SBNO1: variants seen among roughly 807,000 people sequenced by gnomAD.
SBNO1 encodes the protein protein strawberry notch homolog 1.
Under a neutral mutation model 173.6 loss-of-function variants are expected in SBNO1, and 23 were observed. That is an observed-to-expected ratio of 0.13 (90% CI 0.10 to 0.19). The LOEUF (loss-of-function observed/expected upper bound fraction) is 0.19. SBNO1 is among the 10% of genes least tolerant of loss of function. The pLI is 1.00. For synonymous variants in SBNO1, 632 were observed against 571.5 expected (o/e 1.11, Z -1.51); for missense variants, 1,238 against 1,671.2 (o/e 0.74, Z 4.52).
chr12:123,321,103 C>T (rs1253466766), intron 17 of SBNO1, among the ~76,000 whole-genome samples: 2 of 152,100 alleles, frequency 1.3e-5, no homozygotes, highest in East Asian at 1.9e-4. Context: ...CCACACCTGG[C>T]TAATTTTGTA....
Position 123,294,868 on chromosome 12 carries a change from GTAACAACAA to G in SBNO1, c.*1031_*1039del, listed in dbSNP as rs149213593. On this transcript the variant is annotated 3_prime_UTR_variant, in exon 32 of 32. Coordinates refer to ENST00000602398, the MANE Select transcript of SBNO1 (RefSeq NM_001167856.3). ...CATTAAACAATATTCAAGTTACTGA[GTAACAACAA>G]TAACAACAATAACAAAAGAACACAC... 13,276 of 152,116 alleles carry G rather than the reference GTAACAACAA, an allele frequency of 0.087. 1,615 individuals are homozygous for G. The highest frequency in any genetic ancestry group is 0.28 in the African/African-American group (11,406 of 41,348). The allele number at this position is 152,116 out of a possible 1,614,324, so 9.4% of individuals were successfully genotyped here. A position where few individuals can be genotyped will look rare whatever the true frequency, so the allele number is the denominator to read the frequency against.
At chr12:123,342,345 G>C (rs948289088) in intron 4 of SBNO1, among the ~76,000 whole-genome samples, 1 of 152,064 alleles carries the variant, frequency 6.6e-6, no homozygotes, top group Non-Finnish European at 1.5e-5. Flanking sequence ...CAGCTACTAG[G>C]GAGGCTGAGG....
intron 1 of SBNO1, among the ~76,000 whole-genome samples, chr12:123,356,607 A>C (rs1255391484): frequency 6.6e-6 from 1 of 152,098 alleles, no homozygotes; most frequent in African/African-American, 2.4e-5. Flanking sequence ...ACACCCAGCT[A>C]ATTTTTTTGT....
At chr12:123,339,143 T>C (rs1872240578) in intron 5 of SBNO1, among the ~76,000 whole-genome samples, 1 of 152,188 alleles carries the variant, frequency 6.6e-6, no homozygotes, top group African/African-American at 2.4e-5. Flanking sequence ...GTACCGCCAG[T>C]AGCACTATTG....
At position 123,321,552 on chromosome 12, in the gene SBNO1, T is replaced by C; in HGVS notation, c.2306A>G (p.Asn769Ser). ...DDFNPFLDESNEDDENDPWLI... is the reference protein window; with the variant it reads ...DDFNPFLDESSEDDENDPWLI... ...GAACTTACCATTTTCATCATCCTCATTAGACTCATCTAAAAATGGGTTGAA... is the reference window on the plus strand; with the variant it reads ...GAACTTACCATTTTCATCATCCTCACTAGACTCATCTAAAAATGGGTTGAA... The change falls in exon 17 of 32, where the codon AAT becomes AGT. Residue 769 changes from asparagine (N) to serine (S), a missense_variant. Around this residue, in one of 14 missense-constraint regions of SBNO1, gnomAD observed 33 missense variants for 29.6 expected, o/e 1.11. Transcript: ENST00000602398. The C allele has an allele frequency of 6.2e-7, 1 of 1,611,804 alleles. No homozygotes were observed. The highest frequency in any genetic ancestry group is 1.1e-5 in the South Asian group (1 of 91,040).
rs568206817 is a variant in SBNO1, at chr12:123,332,889, C to T, written c.909+1164G>A. Reference sequence around the variant, plus strand: ...CCTGTAATCCCAGCACTTTGGGAGGCCGAGATGGGTGGATCATGAGGTCAG... The same window carrying T: ...CCTGTAATCCCAGCACTTTGGGAGGTCGAGATGGGTGGATCATGAGGTCAG... On this transcript the variant is annotated intron_variant, in intron 7 of 31. Coordinates refer to ENST00000602398, the MANE Select transcript of SBNO1 (RefSeq NM_001167856.3). Among the ~76,000 whole-genome samples the T allele has an allele frequency of 2.6e-5, 4 of 152,030 alleles. No homozygotes were observed. The South Asian group carries it at 6.3e-4, about 24-fold the overall frequency.
At chr12:123,320,670 T>C (rs1415478483) in intron 18 of SBNO1, 29 bp downstream of exon 18, 1 of 1,594,632 alleles carries the variant, frequency 6.3e-7, no homozygotes, top group Non-Finnish European at 8.5e-7. Context: ...TAAAACAGTA[T>C]TTCAAAAAGG....
intron 1 of SBNO1, among the ~76,000 whole-genome samples, chr12:123,358,909 G>A (rs774207986): frequency 6.6e-6 from 1 of 151,934 alleles, no homozygotes; most frequent in Non-Finnish European, 1.5e-5. Context: ...CACATTAGCA[G>A]GGTGTCAAAT....
intron 4 of SBNO1, among the ~76,000 whole-genome samples, chr12:123,342,628 C>G (rs1872695686): frequency 6.6e-6 from 1 of 152,180 alleles, no homozygotes; most frequent in South Asian, 2.1e-4. Context: ...AAACAATGAA[C>G]ACTTTCTTCT....
intron 20 of SBNO1, among the ~76,000 whole-genome samples, chr12:123,318,219 C>G (rs1386353511): frequency 6.6e-6 from 1 of 152,162 alleles, no homozygotes; most frequent in African/African-American, 2.4e-5. Flanking sequence ...GCAGACGGAT[C>G]ATTTGAGGTC....
intron 1 of SBNO1, chr12:123,364,496 T>A (rs1875871806): frequency 2.0e-6 from 2 of 982,264 alleles, no homozygotes; most frequent in South Asian, 4.7e-5. Flanking sequence ...AGGAAGCGAG[T>A]ACAACGGAGC....
intron 4 of SBNO1, among the ~76,000 whole-genome samples, chr12:123,344,267 G>A (rs530085566): frequency 1.3e-5 from 2 of 152,224 alleles, no homozygotes; most frequent in South Asian, 2.1e-4. Context: ...TGCACTCCAC[G>A]GCAGAAAATG....
chr12:123,358,036 G>C (rs1874664470), intron 1 of SBNO1, among the ~76,000 whole-genome samples: 1 of 152,194 alleles, frequency 6.6e-6, no homozygotes, highest in African/African-American at 2.4e-5. Context: ...TCCCGTATCT[G>C]AAACTTGGAA....
rs758567925 is a variant in SBNO1 at position 123,311,064 on chromosome 12, G to A, written c.3286C>T (p.Leu1096Phe). The A allele has an allele frequency of 6.2e-7, 1 of 1,610,620 alleles. No individual in the cohort carries two copies. Among genetic ancestry groups the A allele is most frequent in the East Asian group, 2.2e-5 (1 of 44,858 alleles). The change falls in exon 25 of 32, where the codon CTC (leucine) becomes TTC (phenylalanine). Residue 1096 changes from leucine to phenylalanine, a missense_variant. Leu to Phe is a conservative substitution (Grantham distance 22, BLOSUM62 0). Transcript: ENST00000602398. ...NVEDRSGILT[L>F]DKDYNNIGKF... ...AAGCTAATAGTAGTACCTTTATCGA[G>A]AGTAAGAATTCCCGAGCGATCTTCT...
chr12:123,337,524 T>G (rs1871990646), intron 5 of SBNO1, among the ~76,000 whole-genome samples: 1 of 152,106 alleles, frequency 6.6e-6, no homozygotes, highest in African/African-American at 2.4e-5. Flanking sequence ...GAGCAGAATA[T>G]GGTTGCAAAT....
Position 123,320,013 on chromosome 12 carries a change from G to A in SBNO1, c.2686C>T (p.Arg896Trp). 1 of 1,613,880 alleles carries A rather than the reference G, an allele frequency of 6.2e-7. No homozygotes were observed. Among genetic ancestry groups the A allele is most frequent in the Non-Finnish European group, 8.5e-7 (1 of 1,179,938 alleles). The change falls in exon 20 of 32, where the codon CGG becomes TGG. Residue 896 changes from arginine (R) to tryptophan (W), a missense_variant. By Grantham distance (101) the Arg-to-Trp change is moderately radical (BLOSUM62 -3). Transcript: ENST00000602398. ...NVAEMTGRKG[R>W]VVSNDDGSIS... ...CTTCCATCATCATTGCTCACAACCC[G>A]TCCCTTGCGGCCAGTCATCTGAGAA...
chr12:123,351,108 C>T (rs963801677), intron 1 of SBNO1, among the ~76,000 whole-genome samples: 15 of 150,922 alleles, frequency 9.9e-5, no homozygotes, highest in African/African-American at 3.4e-4. Context: ...GGTGACAGAG[C>T]GAGACTCCAT....
intron 5 of SBNO1, among the ~76,000 whole-genome samples, chr12:123,338,925 T>TAA (rs1566045672): frequency 0.44 from 13,318 of 30,384 alleles, 2,016 homozygotes; most frequent in African/African-American, 0.48. Flanking sequence ...CCCCCCCCCC[T>TAA]CCCCGACTAG....
chr12:123,322,567 G>T (rs1274317724), intron 16 of SBNO1, among the ~76,000 whole-genome samples: 2 of 151,944 alleles, frequency 1.3e-5, no homozygotes, highest in African/African-American at 2.4e-5. Context: ...AAAAAGCTGG[G>T]ATTACAGGCG....
Sources: gnomAD v4.1 joint callset for allele counts (sites outside exome capture counted in the v4.1 genomes callset) on GRCh38, gnomAD v4.1.1 for gene constraint, gnomAD v4.1.1 regional missense constraint, MANE v1.5 for transcripts, NCBI Gene and HGNC (gene_info 2026-07-23, HGNC 2026-07-21) for gene names.